The following KDM6B variants were observed in gnomAD, a reference collection of about 807,000 sequenced individuals.
KDM6B encodes the protein lysine demethylase 6B.
KDM6B carries 22 observed loss-of-function variants against 150.4 expected under a neutral mutation model. The ratio of observed to expected loss-of-function variants is 0.15; its 90% CI spans 0.10 to 0.21. The LOEUF is 0.21. Ranked by LOEUF, KDM6B falls within the 10% of genes least tolerant of loss-of-function variation. KDM6B has a pLI of 1.00. For missense variants in KDM6B, 1,984 were observed against 2,234.3 expected (o/e 0.89, Z 2.26); for synonymous variants, 1,148 against 921.1 (o/e 1.25, Z -4.46).
Position 7,853,674 on chromosome 17 carries a change from A to AT in KDM6B, c.*153_*154insT. 3 of 429,684 alleles carry AT rather than the reference A, an allele frequency of 7.0e-6. No individual in the cohort carries two copies. The highest frequency in any genetic ancestry group is 1.1e-5 in the Non-Finnish European group (3 of 275,920). The allele number at this position is 429,684 out of a possible 1,614,324, so 26.6% of individuals were successfully genotyped here. On this transcript the variant is annotated 3_prime_UTR_variant, in exon 24 of 24. Coordinates refer to ENST00000448097, the MANE Select transcript of KDM6B (RefSeq NM_001348716.2). Reference sequence around the variant, plus strand: ...GCAGCTCCCCTCACTTAATTTATTAAGAAAAACTTTTTTTTTTTTTTTAGC... The same window carrying AT: ...GCAGCTCCCCTCACTTAATTTATTAATGAAAAACTTTTTTTTTTTTTTTAGC...
At chr17:7,842,406 C>T (rs575851519) in intron 2 of KDM6B, among the ~76,000 whole-genome samples, 49 of 152,314 alleles carry the variant, frequency 3.2e-4, no homozygotes, top group African/African-American at 1.0e-3. Flanking sequence ...ATGTCTGCCT[C>T]AGAAGTATAT....
rs955411346 is a variant in KDM6B, at chr17:7,843,192, A to T, written c.-268-1709A>T. ...GCGCTCTCGGGACCACTTCCCAAGCAGGCATCTGCCCCTCTGTTGTCTGGT... is the reference window on the plus strand; with the variant it reads ...GCGCTCTCGGGACCACTTCCCAAGCTGGCATCTGCCCCTCTGTTGTCTGGT... On this transcript the variant is annotated intron_variant, in intron 2 of 23. Transcript: ENST00000448097. The surrounding 1 kb of genome is among the most constrained non-coding windows in gnomAD (Gnocchi z 4.5). Among the ~76,000 whole-genome samples the T allele has an allele frequency of 6.6e-6, 1 of 152,214 alleles. No homozygotes were observed. The highest frequency in any genetic ancestry group is 2.4e-5 in the African/African-American group (1 of 41,520).
Position 7,846,624 on chromosome 17 carries a change from C to T in KDM6B, c.595C>T (p.Arg199Ter). Reference sequence around the variant, plus strand: ...CAAGCGGGGAGGTCCCCCGGTGAAGCGAGCTGCTGAACCCCCAGTGGTGCA... The same window carrying T: ...CAAGCGGGGAGGTCCCCCGGTGAAGTGAGCTGCTGAACCCCCAGTGGTGCA... ...GAKRGGPPVK[R>*]AAEPPVVQPV... Residue 199 changes from arginine (R) to a stop codon, truncating the protein, a stop_gained, in exon 9 of 24, where the codon CGA (arginine) becomes TGA (stop). Transcript: ENST00000448097. LOFTEE classifies it high-confidence loss of function. 6.2e-7 allele frequency: 1 copy of T among 1,614,110 alleles called. No homozygotes were observed.
chr17:7,842,845 C>T (rs1203049169), intron 2 of KDM6B, among the ~76,000 whole-genome samples: 1 of 150,146 alleles, frequency 6.7e-6, no homozygotes, highest in Non-Finnish European at 1.5e-5. Context: ...TGAATCAGAC[C>T]CCGAGGGAGG....
At position 7,848,206 on chromosome 17, in the gene KDM6B, G is replaced by T. The variant is rs534591239; in HGVS notation, c.1918G>T (p.Val640Leu). Residue 640 changes from valine to leucine, a missense_variant, in exon 12 of 24, where the codon GTG becomes TTG. Coordinates refer to ENST00000448097, the MANE Select transcript of KDM6B (RefSeq NM_001348716.2). ...PRVSFPKTPE[V>L]GPGPPPGPLS... ...GGTCTCCTTCCCAAAGACCCCCGAGGTGGGGCCGGGGCCACCCCCAGGCCC... is the reference window on the plus strand; with the variant it reads ...GGTCTCCTTCCCAAAGACCCCCGAGTTGGGGCCGGGGCCACCCCCAGGCCC... 1.9e-6 allele frequency: 3 copies of T among 1,611,092 alleles called. No individual in the cohort carries two copies. The South Asian group carries it at 3.3e-5, about 18-fold the overall frequency.
intron 2 of KDM6B, among the ~76,000 whole-genome samples, chr17:7,842,552 A>G (rs922904374): frequency 2.0e-4 from 31 of 152,144 alleles, no homozygotes; most frequent in African/African-American, 7.2e-4. Context: ...AGGGAGGGCT[A>G]TTCTTGCCCC....
At position 7,844,646 on chromosome 17, in the gene KDM6B, C is replaced by T. The variant is rs1043353518; in HGVS notation, c.-268-255C>T. Among the ~76,000 whole-genome samples, 4 of 152,224 alleles carry T rather than the reference C, an allele frequency of 2.6e-5. No individual in the cohort carries two copies. In the East Asian group the frequency reaches 7.7e-4, roughly 29 times the overall value. On this transcript the variant is annotated intron_variant, in intron 2 of 23. Transcript: ENST00000448097. The surrounding 1 kb of genome is among the most constrained non-coding windows in gnomAD (Gnocchi z 5.9). ...CCGTGGCCACCGGCGGCTCTGGGTG[C>T]TTGAGGCTTGCGGGTAGCGCCGGCC...
intron 1 of KDM6B, among the ~76,000 whole-genome samples, chr17:7,839,539 GGTCT>G (rs2078383786): frequency 6.6e-6 from 1 of 152,086 alleles, no homozygotes. Flanking sequence ...GAAGGAAGAG[GGTCT>G]GCATGCCCTG....
chr17:7,850,137 C>T lies in KDM6B; in HGVS notation c.3633C>T (p.Pro1211=), dbSNP rs1057267798. The change falls in exon 14 of 24, where the codon CCC becomes CCT. Residue 1211 remains proline (P), a synonymous_variant. Coordinates refer to ENST00000448097, the MANE Select transcript of KDM6B (RefSeq NM_001348716.2). ...LLQFCTDPRN[P]ITVIRGLAGS... ...AGTTCTGTACAGACCCTCGAAATCCCATCACAGTGATCCGGGGCCTGGCGG... is the reference window on the plus strand; with the variant it reads ...AGTTCTGTACAGACCCTCGAAATCCTATCACAGTGATCCGGGGCCTGGCGG... The T allele has an allele frequency of 1.9e-6, 3 of 1,613,840 alleles. No individual in the cohort carries two copies. Among genetic ancestry groups the T allele is most frequent in the African/African-American group, 2.7e-5 (2 of 75,056 alleles).
Position 7,848,484 on chromosome 17 carries a change from G to A in KDM6B, c.2196G>A (p.Leu732=), listed in dbSNP as rs779852167. The change falls in exon 12 of 24, where the codon CTG becomes CTA. Residue 732 remains leucine, a synonymous_variant. Transcript: ENST00000448097. ...QPPLKEPFAS[L]QSPFPTDTAP... ...CGCTGAAGGAGCCCTTTGCATCTCT[G>A]CAGTCTCCTTTCCCCACCGACACAG... 28 of 1,609,760 alleles carry A rather than the reference G, an allele frequency of 1.7e-5. No homozygotes were observed. The highest frequency in any genetic ancestry group is 1.1e-5 in the South Asian group (1 of 90,994).
At chr17:7,840,441 T>C (rs775651360) in intron 2 of KDM6B, 2 of 152,198 alleles carry the variant, frequency 1.3e-5, no homozygotes, top group African/African-American at 2.4e-5. Flanking sequence ...CAGAATTTAT[T>C]TGGGGAGATA....
rs1411225302 is a variant in KDM6B, at chr17:7,854,578, G to C, written c.*1057G>C. 9 of 155,072 alleles carry C rather than the reference G, an allele frequency of 5.8e-5. No homozygotes were observed. The highest frequency in any genetic ancestry group is 1.0e-4 in the Non-Finnish European group (7 of 69,494). The allele number at this position is 155,072 out of a possible 1,614,324, so 9.6% of individuals were successfully genotyped here. A position where few individuals can be genotyped will look rare whatever the true frequency, so the allele number is the denominator to read the frequency against. On this transcript the variant is annotated 3_prime_UTR_variant, in exon 24 of 24. Coordinates refer to ENST00000448097, the MANE Select transcript of KDM6B (RefSeq NM_001348716.2). ...CAGGGCCAGGGCCTCACTGGGGCAG[G>C]GACACCCCGGGGTGAGTTTCTCTGG... is the stretch of plus-strand genomic sequence containing the variant.
Position 7,847,183 on chromosome 17 carries a change from G to C in KDM6B, c.988G>C (p.Val330Leu). ...YTAHPPGHRLVPAAPPGPGPR... is the reference protein window; with the variant it reads ...YTAHPPGHRLLPAAPPGPGPR... ...CGCGCACCCCCCTGGCCACCGGCTG[G>C]TCCCGGCTGCTCCCCCAGGCCCAGG... is the stretch of plus-strand genomic sequence containing the variant. The change falls in exon 11 of 24, where the codon GTC becomes CTC. Residue 330 changes from valine (V) to leucine (L), a missense_variant. Physicochemically the swap from Val to Leu is conservative, Grantham distance 32. Transcript: ENST00000448097. 6.2e-7 allele frequency: 1 copy of C among 1,603,460 alleles called. No individual in the cohort carries two copies. Among genetic ancestry groups the C allele is most frequent in the Non-Finnish European group, 8.5e-7 (1 of 1,179,094 alleles).
chr17:7,839,836 G>T (rs1464043125), intron 1 of KDM6B, 70 bp from the exon 2 acceptor site: 2 of 152,220 alleles, frequency 1.3e-5, no homozygotes, highest in African/African-American at 2.4e-5. Context: ...CCTTAATGAG[G>T]GGGGCAGGGA....
chr17:7,834,775 C>T (rs1341132471), intron 1 of KDM6B, among the ~76,000 whole-genome samples: 1 of 152,138 alleles, frequency 6.6e-6, no homozygotes, highest in African/African-American at 2.4e-5. Context: ...CTTTAAGTCT[C>T]CCTCCAGTTC....
Position 7,846,419 on chromosome 17 carries a change from A to G in KDM6B, c.476A>G (p.His159Arg). Residue 159 changes from histidine to arginine, a missense_variant, in exon 8 of 24, where the codon CAT becomes CGT. By Grantham distance (29) the His-to-Arg change is conservative. Transcript: ENST00000448097. ...CCCCAGGCCCAGCTCTGGAACTTTC[A>G]TACTGGCTCCTGCCAGCACCGAGCC... is the stretch of plus-strand genomic sequence containing the variant. ...RLQQAQLWNF[H>R]TGSCQHRAKV... is the part of the protein sequence containing the mutation. 1.3e-6 allele frequency: 2 copies of G among 1,590,174 alleles called. No homozygotes were observed. The highest frequency in any genetic ancestry group is 1.7e-6 in the Non-Finnish European group (2 of 1,174,934).
At position 7,849,908 on chromosome 17, in the gene KDM6B, G is replaced by C; in HGVS notation, c.3528G>C (p.Leu1176=). The C allele has an allele frequency of 6.2e-7, 1 of 1,613,536 alleles. No homozygotes were observed. Among genetic ancestry groups the C allele is most frequent in the Non-Finnish European group, 8.5e-7 (1 of 1,180,016 alleles). ...VKPKINTEEK[L]PREKLNPPTP... is the part of the protein sequence containing the mutation. ...CGAAGATCAACACTGAGGAGAAGCT[G>C]CCCCGGGAAAAACTCAACCCCCCTA... Residue 1176 remains leucine, a synonymous_variant, in exon 13 of 24, where the codon CTG becomes CTC. Transcript: ENST00000448097.
chr17:7,850,994 G>A (rs772835561), intron 14 of KDM6B, 27 bp from the exon 15 acceptor site: 67 of 1,569,718 alleles, frequency 4.3e-5, no homozygotes, highest in African/African-American at 1.6e-4. Flanking sequence ...CCTCTGCCCC[G>A]ACACCCTGCT....
intron 2 of KDM6B, among the ~76,000 whole-genome samples, chr17:7,841,761 G>T (rs577227197): frequency 6.6e-6 from 1 of 152,224 alleles, no homozygotes; most frequent in Non-Finnish European, 1.5e-5. Context: ...GGCCGGGGCC[G>T]GCACCGTCAC....
Sources: allele counts gnomAD v4.1 joint callset (sites outside exome capture counted in the v4.1 genomes callset), GRCh38; gene constraint gnomAD v4.1.1; non-coding constraint Gnocchi (gnomAD v3.1); transcripts MANE v1.5; gene names NCBI Gene and HGNC (gene_info 2026-07-23, HGNC 2026-07-21).